VAV3: variants seen among roughly 807,000 people sequenced by gnomAD.
VAV3 encodes guanine nucleotide exchange factor VAV3.
In VAV3, 94 loss-of-function variants were observed where a neutral mutation model predicts 131.2. The observed-to-expected ratio is 0.72, with a 90% CI of 0.61 to 0.85. The LOEUF is 0.85. Among genes scored for constraint, VAV3 ranks in the 40% least tolerant of loss-of-function variants. The pLI is 0.00. For missense variants in VAV3, 939 were observed against 1,002.7 expected (o/e 0.94, Z 0.86); for synonymous variants, 349 against 342.0 (o/e 1.02, Z -0.22).
At chr1:107,739,125 C>T (rs2102009874) in intron 15 of VAV3, among the ~76,000 whole-genome samples, 1 of 152,310 alleles carries the variant, frequency 6.6e-6, no homozygotes, top group South Asian at 2.1e-4. Context: ...TTCCTCCTGC[C>T]TGTGACTTCT....
chr1:107,876,478 G>C (rs1372450423), intron 1 of VAV3, among the ~76,000 whole-genome samples: 1 of 152,138 alleles, frequency 6.6e-6, no homozygotes, highest in Non-Finnish European at 1.5e-5. Flanking sequence ...ACCTGATAGA[G>C]AGGGGAAAGC....
intron 1 of VAV3, among the ~76,000 whole-genome samples, chr1:107,895,759 T>A (rs1158816925): frequency 1.3e-5 from 2 of 152,172 alleles, no homozygotes; most frequent in Non-Finnish European, 2.9e-5. Flanking sequence ...CCCACCCCAA[T>A]CATGTGTCCT....
chr1:107,698,517 T>C (rs76599701), intron 17 of VAV3, among the ~76,000 whole-genome samples: 563 of 152,336 alleles, frequency 3.7e-3, no homozygotes, highest in African/African-American at 0.012. Context: ...TGACTTACGA[T>C]AGTTTCCACT....
chr1:107,851,171 C>CAAAAAAAAAAAA (rs35609784), intron 2 of VAV3, among the ~76,000 whole-genome samples: 3 of 68,492 alleles, frequency 4.4e-5, no homozygotes, highest in Admixed American at 1.5e-4. Context: ...GACTCCGTCT[C>CAAAAAAAAAAAA]AAAAAAAAAA....
chr1:107,860,745 G>A (rs1010889571), intron 2 of VAV3, among the ~76,000 whole-genome samples: 4 of 151,590 alleles, frequency 2.6e-5, no homozygotes, highest in African/African-American at 9.7e-5. Flanking sequence ...ATTTTAAGAA[G>A]AGAAGCCAAG....
chr1:107,878,095 A>G (rs1327164519), intron 1 of VAV3, among the ~76,000 whole-genome samples: 1 of 152,160 alleles, frequency 6.6e-6, no homozygotes, highest in African/African-American at 2.4e-5. Context: ...CATTCCATCT[A>G]CATGCAACAA....
intron 7 of VAV3, 96 bp from the exon 8 acceptor site, chr1:107,766,646 A>G (rs769467647): frequency 4.5e-5 from 38 of 850,380 alleles, no homozygotes; most frequent in Non-Finnish European, 6.9e-5. Flanking sequence ...CTTGCCACTC[A>G]GGATATGCTG....
intron 1 of VAV3, among the ~76,000 whole-genome samples, chr1:107,958,554 C>CT (rs1393523390): frequency 4.6e-5 from 7 of 152,248 alleles, no homozygotes; most frequent in South Asian, 4.1e-4. Flanking sequence ...ATCAATGACT[C>CT]TAAGTTCAAG....
intron 1 of VAV3, among the ~76,000 whole-genome samples, chr1:107,940,953 T>C (rs755815397): frequency 6.6e-5 from 10 of 151,684 alleles, no homozygotes; most frequent in Non-Finnish European, 1.3e-4. Context: ...TTCAACATGG[T>C]TAAAATGGTA....
rs571090080 is a variant in VAV3 at position 107,732,643 on chromosome 1, G to A, written c.1502+16325C>T. On this transcript the variant is annotated intron_variant, in intron 15 of 26. Coordinates refer to ENST00000370056, the MANE Select transcript of VAV3 (RefSeq NM_006113.5). ...GCAGTCCGAGATTGAGCTGCAAGGC[G>A]GCAGACTGGCTGGGGAAGGGGCATC... Among the ~76,000 whole-genome samples, 60 of 152,320 alleles carry A rather than the reference G, an allele frequency of 3.9e-4. 1 individual carries two copies. The highest frequency in any genetic ancestry group is 1.4e-3 in the African/African-American group (60 of 41,580).
intron 2 of VAV3, among the ~76,000 whole-genome samples, chr1:107,808,557 C>T (rs1570982470): frequency 6.6e-6 from 1 of 151,952 alleles, no homozygotes; most frequent in Non-Finnish European, 1.5e-5. Context: ...TTACTTTTGA[C>T]CCTAAATCTC....
intron 20 of VAV3, among the ~76,000 whole-genome samples, chr1:107,630,921 A>T (rs1654419774): frequency 6.6e-6 from 1 of 152,206 alleles, no homozygotes; most frequent in Non-Finnish European, 1.5e-5. Flanking sequence ...GTACAGATTC[A>T]ACCCAGTTTC....
intron 19 of VAV3, among the ~76,000 whole-genome samples, chr1:107,660,297 T>TA (rs1656914526): frequency 1.3e-5 from 2 of 152,328 alleles, no homozygotes; most frequent in East Asian, 3.9e-4. Context: ...GTGCCAAACT[T>TA]AAAGACTTCT....
At chr1:107,814,790 C>CA (rs1667493849) in intron 2 of VAV3, among the ~76,000 whole-genome samples, 3 of 152,136 alleles carry the variant, frequency 2.0e-5, no homozygotes, top group African/African-American at 7.2e-5. Context: ...GAAGAATATT[C>CA]TAGCAGCAAT....
intron 2 of VAV3, among the ~76,000 whole-genome samples, chr1:107,813,363 T>C (rs1259199085): frequency 6.6e-6 from 1 of 152,158 alleles, no homozygotes. Context: ...TACTCCTCCA[T>C]ATTGCCTCTT....
chr1:107,912,266 A>G (rs1016388451), intron 1 of VAV3, among the ~76,000 whole-genome samples: 1 of 152,202 alleles, frequency 6.6e-6, no homozygotes, highest in Non-Finnish European at 1.5e-5. Flanking sequence ...AAAATACTAA[A>G]CAAAACTAAT....
intron 2 of VAV3, among the ~76,000 whole-genome samples, chr1:107,796,889 T>C (rs1038361705): frequency 6.6e-6 from 1 of 151,658 alleles, no homozygotes; most frequent in African/African-American, 2.4e-5. Flanking sequence ...CATCCATATA[T>C]CTGAATCATT....
At chr1:107,768,545 T>C in intron 6 of VAV3, 36 bp from the exon 7 acceptor site, 1 of 1,518,356 alleles carries the variant, frequency 6.6e-7, no homozygotes, top group Non-Finnish European at 9.1e-7. Flanking sequence ...TAATTAAGTA[T>C]AACTTGTCCT....
At chr1:107,812,466 GA>G (rs1365222874) in intron 2 of VAV3, among the ~76,000 whole-genome samples, 2 of 151,892 alleles carry the variant, frequency 1.3e-5, no homozygotes, top group African/African-American at 2.4e-5. Flanking sequence ...CAAAGAATAG[GA>G]ATAGTGGAGG....
Sources: gnomAD v4.1 joint callset for allele counts (sites outside exome capture counted in the v4.1 genomes callset) on GRCh38, gnomAD v4.1.1 for gene constraint, MANE v1.5 for transcripts, NCBI Gene and HGNC (gene_info 2026-07-23, HGNC 2026-07-21) for gene names.